TEX30: variants seen among roughly 807,000 people sequenced by gnomAD.
The protein encoded by TEX30 is testis-expressed protein 30.
TEX30 carries 14 observed loss-of-function variants against 23.8 expected under a neutral mutation model. The ratio of observed to expected loss-of-function variants is 0.59; its 90% CI spans 0.39 to 0.92. The LOEUF (loss-of-function observed/expected upper bound fraction) is 0.92. TEX30 is among the 40% of genes least tolerant of loss of function. TEX30 has a pLI of 0.00. For missense variants in TEX30, 246 were observed against 270.6 expected (o/e 0.91, Z 0.64); for synonymous variants, 78 against 90.2 (o/e 0.87, Z 0.76).
At chr13:102,772,187 C>T (rs1877371409) in intron 1 of TEX30, among the ~76,000 whole-genome samples, 1 of 151,786 alleles carries the variant, frequency 6.6e-6, no homozygotes, top group South Asian at 2.1e-4. Context: ...GCGGACAGGC[C>T]GGAAAATTGA....
chr13:102,772,143 ATT>A (rs112612448), intron 1 of TEX30, among the ~76,000 whole-genome samples: 43 of 142,920 alleles, frequency 3.0e-4, no homozygotes, highest in African/African-American at 7.1e-4. Context: ...ATGCTTCCCT[ATT>A]TTTTTTTTTT....
At chr13:102,767,197 C>T in intron 5 of TEX30, 76 bp downstream of exon 5, 16 of 1,452,404 alleles carry the variant, frequency 1.1e-5, no homozygotes, top group Non-Finnish European at 1.4e-5. Flanking sequence ...GACACTGTTG[C>T]CAGAAGTATC....
At chr13:102,767,830 T>C (rs1474766369) in intron 4 of TEX30, among the ~76,000 whole-genome samples, 1 of 152,120 alleles carries the variant, frequency 6.6e-6, no homozygotes, top group Non-Finnish European at 1.5e-5. Context: ...GGAGAATCAC[T>C]TGAATCCCAG....
chr13:102,766,313 T>C lies in TEX30; in HGVS notation c.*88A>G. 9.0e-7 allele frequency: 1 copy of C among 1,109,072 alleles called. No individual in the cohort carries two copies. The allele number at this position is 1,109,072 out of a possible 1,614,324, so 68.7% of individuals were successfully genotyped here. A position where few individuals can be genotyped will look rare whatever the true frequency, so the allele number is the denominator to read the frequency against. On this transcript the variant is annotated 3_prime_UTR_variant, in exon 6 of 6. Transcript: ENST00000376032. ...AAGGGAACATTAAAGAACATCAAATTAGTCTGAAATATATCTCACAATGCT... is the reference window on the plus strand; with the variant it reads ...AAGGGAACATTAAAGAACATCAAATCAGTCTGAAATATATCTCACAATGCT...
At chr13:102,769,272 A>T (rs746717232) in intron 3 of TEX30, 39 bp downstream of exon 3, 1 of 1,326,016 alleles carries the variant, frequency 7.5e-7, no homozygotes. Flanking sequence ...GATTTCAAAC[A>T]GAATTCTGTT....
chr13:102,768,891 T>C (rs762949993), intron 3 of TEX30, among the ~76,000 whole-genome samples: 1 of 152,228 alleles, frequency 6.6e-6, no homozygotes, highest in Non-Finnish European at 1.5e-5. Flanking sequence ...ATGTGGCCCA[T>C]GGGTTGGACA....
intron 1 of TEX30, among the ~76,000 whole-genome samples, chr13:102,771,085 T>C (rs1249331486): frequency 6.6e-6 from 1 of 152,178 alleles, no homozygotes; most frequent in Non-Finnish European, 1.5e-5. Context: ...GATTCCCCTC[T>C]CCAAAGGTAA....
Position 102,769,377 on chromosome 13 carries a change from G to C in TEX30, c.180C>G (p.Phe60Leu). 8 of 1,605,650 alleles carry C rather than the reference G, an allele frequency of 5.0e-6. No individual in the cohort carries two copies. The highest frequency in any genetic ancestry group is 5.9e-6 in the Non-Finnish European group (7 of 1,177,322). Residue 60 changes from phenylalanine (F) to leucine (L), a missense_variant, in exon 3 of 6, where the codon TTC becomes TTG. Phe to Leu is a conservative substitution (Grantham distance 22). Coordinates refer to ENST00000376032, the MANE Select transcript of TEX30 (RefSeq NM_138779.5). The stretch of plus-strand genomic sequence containing the variant: ...GGCCTTTACAGGTAAATCTCAGGCA[G>C]AAAAACCCATGAGATGCAAGATGGG... ...LASHLASHGF[F>L]CLRFTCKGLN...
rs760097828 is a variant in TEX30 at position 102,767,318 on chromosome 13, C to T, written c.459G>A (p.Glu153=). ...CTGAGCCTGACACAAACAGTACAGG[C>T]TCTTTTAAACGAAAGAGGTCTTCAT... ...LRDEDLFRLK[E]PVLFVSGSAD... is the part of the protein sequence containing the mutation. Residue 153 remains glutamate (E), a synonymous_variant, in exon 5 of 6, where the codon GAG becomes GAA. Coordinates refer to ENST00000376032, the MANE Select transcript of TEX30 (RefSeq NM_138779.5). 2 of 1,614,034 alleles carry T rather than the reference C, an allele frequency of 1.2e-6. No individual in the cohort carries two copies. The highest frequency in any genetic ancestry group is 1.3e-5 in the African/African-American group (1 of 75,026).
In TEX30 at chr13:102,769,225, C is replaced by A. The variant is rs1040117608; in HGVS notation, c.246+86G>T. The stretch of plus-strand genomic sequence containing the variant: ...TCATTCAAAGATTTTTTAAATTAAA[C>A]CAGATGACTAATAAAATTTATCTTA... On this transcript the variant is annotated intron_variant, in intron 3 of 5. Coordinates refer to ENST00000376032, the MANE Select transcript of TEX30 (RefSeq NM_138779.5). 1.7e-5 allele frequency: 17 copies of A among 1,018,110 alleles called. No individual in the cohort carries two copies. In the African/African-American group the frequency reaches 2.4e-4, roughly 14 times the overall value. The allele number at this position is 1,018,110 out of a possible 1,614,324, so 63.1% of individuals were successfully genotyped here.
At chr13:102,768,746 T>C (rs1000871524) in intron 3 of TEX30, among the ~76,000 whole-genome samples, 2 of 152,214 alleles carry the variant, frequency 1.3e-5, no homozygotes, top group Admixed American at 6.5e-5. Context: ...AAGAACTGTG[T>C]TGTGCCACAC....
At position 102,766,575 on chromosome 13, in the gene TEX30, C is replaced by T. The variant is rs762752117; in HGVS notation, c.510G>A (p.Leu170=). The change falls in exon 6 of 6, where the codon TTG becomes TTA. Residue 170 remains leucine, a synonymous_variant. Transcript: ENST00000376032. The part of the protein sequence containing the change: ...GSADEMCEKN[L]LEKVAQKMQA... ...GCATTTTCTGTGCCACTTTCTCCAACAAGTTCTAAAGAGAAAAAGAAGAGG... is the reference window on the plus strand; with the variant it reads ...GCATTTTCTGTGCCACTTTCTCCAATAAGTTCTAAAGAGAAAAAGAAGAGG... 10 of 1,612,624 alleles carry T rather than the reference C, an allele frequency of 6.2e-6. No individual in the cohort carries two copies. Among genetic ancestry groups the T allele is most frequent in the Admixed American group, 1.7e-5 (1 of 59,774 alleles).
At position 102,768,267 on chromosome 13, in the gene TEX30, A is replaced by G. The variant is rs1877054757; in HGVS notation, c.291T>C (p.Phe97=). ...CACAAGTATTGCACTTACCTCCAAG[A>G]AAAACACCTGCAAGTTTGTATTCTC... ...TSGEYKLAGV[F]LGGRSMGSRA... The change falls in exon 4 of 6, where the codon TTT becomes TTC. Residue 97 remains phenylalanine, a synonymous_variant. Transcript: ENST00000376032. 1 of 1,604,786 alleles carries G rather than the reference A, an allele frequency of 6.2e-7. No individual in the cohort carries two copies. The highest frequency in any genetic ancestry group is 2.3e-5 in the East Asian group (1 of 44,320).
Position 102,769,431 on chromosome 13 carries a change from C to T in TEX30, c.126G>A (p.Met42Ile). The stretch of plus-strand genomic sequence containing the variant: ...CCAGTGACATCAAATGAGGAAGATT[C>T]ATATCTCCTGATGCTCCATGTGTAA... ...IILTHGASGD[M>I]NLPHLMSLAS... Residue 42 changes from methionine to isoleucine, a missense_variant, in exon 3 of 6, where the codon ATG becomes ATA. By Grantham distance (10) the Met-to-Ile change is conservative. Coordinates refer to ENST00000376032, the MANE Select transcript of TEX30 (RefSeq NM_138779.5). 6.2e-7 allele frequency: 1 copy of T among 1,610,962 alleles called. No individual in the cohort carries two copies. The highest frequency in any genetic ancestry group is 1.1e-5 in the South Asian group (1 of 90,028).
Position 102,769,396 on chromosome 13 carries a change from A to C in TEX30, c.161T>G (p.Leu54Arg), listed in dbSNP as rs1877145311. ...CAGGCAGAAAAACCCATGAGATGCA[A>C]GATGGGATGCCAGTGACATCAAATG... ...LPHLMSLASHLASHGFFCLRF... is the reference protein window; with the variant it reads ...LPHLMSLASHRASHGFFCLRF... The change falls in exon 3 of 6, where the codon CTT becomes CGT. Residue 54 changes from leucine (L) to arginine (R), a missense_variant. By Grantham distance (102) the Leu-to-Arg change is moderately radical. Coordinates refer to ENST00000376032, the MANE Select transcript of TEX30 (RefSeq NM_138779.5). 5.6e-6 allele frequency: 9 copies of C among 1,609,068 alleles called. No individual in the cohort carries two copies. The highest frequency in any genetic ancestry group is 7.6e-6 in the Non-Finnish European group (9 of 1,178,376).
chr13:102,767,763 AT>A (rs1227024478), intron 4 of TEX30, among the ~76,000 whole-genome samples: 1 of 152,034 alleles, frequency 6.6e-6, no homozygotes, highest in Non-Finnish European at 1.5e-5. Flanking sequence ...AAACACAAAA[AT>A]TAGCCAGGCA....
intron 5 of TEX30, among the ~76,000 whole-genome samples, chr13:102,766,972 T>C (rs1401106633): frequency 6.6e-6 from 1 of 152,158 alleles, no homozygotes; most frequent in African/African-American, 2.4e-5. Context: ...ATACTCTGCC[T>C]GAATGTTGAA....
intron 1 of TEX30, chr13:102,770,752 A>C (rs1877260352): frequency 6.6e-6 from 1 of 152,198 alleles, no homozygotes; most frequent in Admixed American, 6.5e-5. Context: ...GACACACGGA[A>C]CAGAACTGAA....
At chr13:102,771,786 G>A (rs1877338681) in intron 1 of TEX30, among the ~76,000 whole-genome samples, 1 of 152,212 alleles carries the variant, frequency 6.6e-6, no homozygotes, top group African/African-American at 2.4e-5. Context: ...CCCAACAGGT[G>A]AAATGGGGAA....
Sources: allele counts gnomAD v4.1 joint callset (sites outside exome capture counted in the v4.1 genomes callset), GRCh38; gene constraint gnomAD v4.1.1; transcripts MANE v1.5; gene names NCBI Gene and HGNC (gene_info 2026-07-23, HGNC 2026-07-21).